Variants in SPAG1 observed in about 807,000 individuals in gnomAD.
SPAG1 encodes the protein sperm associated antigen 1.
In SPAG1, 69 loss-of-function variants were observed where a neutral mutation model predicts 100.5. The observed-to-expected ratio is 0.69, with a 90% confidence interval of 0.57 to 0.84. The LOEUF is 0.84. Among genes scored for constraint, SPAG1 ranks in the 40% least tolerant of loss-of-function variants. The pLI is 0.00. For synonymous variants in SPAG1, 336 were observed against 411.6 expected (o/e 0.82, Z 2.22); for missense variants, 955 against 1,133.1 (o/e 0.84, Z 2.26).
At chr8:100,196,634 G>C (rs969689933) in intron 10 of SPAG1, among the ~76,000 whole-genome samples, 2 of 151,812 alleles carry the variant, frequency 1.3e-5, no homozygotes, top group Non-Finnish European at 2.9e-5. Context: ...TTTGTCTGTA[G>C]CTTTTTTCAT....
At position 100,233,523 on chromosome 8, in the gene SPAG1, C is replaced by A; in HGVS notation, c.2101C>A (p.His701Asn). Residue 701 changes from histidine to asparagine, a missense_variant, in exon 16 of 19, where the codon CAT (histidine) becomes AAT (asparagine). Coordinates refer to ENST00000388798, the MANE Select transcript of SPAG1 (RefSeq NM_003114.5). Reference sequence around the variant, plus strand: ...AGCCTTCTATAGACGAGCTCTGGCTCATAAAGGACTCAAGGTGAGGAAATC... The same window carrying A: ...AGCCTTCTATAGACGAGCTCTGGCTAATAAAGGACTCAAGGTGAGGAAATC... The part of the protein sequence containing the change: ...VKAFYRRALA[H>N]KGLKNYQKSL... The A allele has an allele frequency of 6.2e-7, 1 of 1,604,816 alleles. No homozygotes were observed. Among genetic ancestry groups the A allele is most frequent in the South Asian group, 1.1e-5 (1 of 90,202 alleles).
chr8:100,185,588 A>G (rs1293224685), intron 7 of SPAG1, among the ~76,000 whole-genome samples: 1 of 152,244 alleles, frequency 6.6e-6, no homozygotes, highest in Non-Finnish European at 1.5e-5. Context: ...TTCATAGTAG[A>G]TGTTCAATAA....
chr8:100,193,042 G>A (rs1816880601), intron 9 of SPAG1, among the ~76,000 whole-genome samples: 1 of 152,124 alleles, frequency 6.6e-6, no homozygotes, highest in Admixed American at 6.6e-5. Context: ...AAATCTTTAT[G>A]ACCTTAGACA....
chr8:100,222,651 A>T (rs1818335870), intron 13 of SPAG1, among the ~76,000 whole-genome samples: 1 of 152,210 alleles, frequency 6.6e-6, no homozygotes, highest in Admixed American at 6.5e-5. Context: ...GGGCCTGATG[A>T]AAAGGTATTT....
At chr8:100,216,391 TCTGAGATC>T (rs1211609570) in intron 12 of SPAG1, among the ~76,000 whole-genome samples, 1 of 152,220 alleles carries the variant, frequency 6.6e-6, no homozygotes, top group Admixed American at 6.5e-5. Flanking sequence ...GTTGTCCTTA[TCTGAGATC>T]CTCTAAGGTG....
chr8:100,234,529 G>A (rs747667226), intron 16 of SPAG1, among the ~76,000 whole-genome samples: 21 of 152,124 alleles, frequency 1.4e-4, no homozygotes, highest in Non-Finnish European at 2.6e-4. Context: ...GGACTCTACT[G>A]TTTGGCTTCT....
chr8:100,217,935 A>C (rs1818083100), intron 12 of SPAG1, among the ~76,000 whole-genome samples: 1 of 151,876 alleles, frequency 6.6e-6, no homozygotes, highest in African/African-American at 2.4e-5. Context: ...GGTGTGCACC[A>C]CCTAACCCAG....
At chr8:100,167,949 A>G (rs568872630) in intron 3 of SPAG1, among the ~76,000 whole-genome samples, 48 of 152,208 alleles carry the variant, frequency 3.2e-4, no homozygotes, top group Non-Finnish European at 6.0e-4. Flanking sequence ...TCACTTATAT[A>G]ATGCTTTTGA....
Position 100,239,052 on chromosome 8 carries a change from G to A in SPAG1, c.2116-188G>A, listed in dbSNP as rs919235668. Among the ~76,000 whole-genome samples, 1 of 152,162 alleles carries A rather than the reference G, an allele frequency of 6.6e-6. No individual in the cohort carries two copies. The highest frequency in any genetic ancestry group is 2.4e-5 in the African/African-American group (1 of 41,432). On this transcript the variant is annotated intron_variant, in intron 16 of 18. Transcript: ENST00000388798. The surrounding 1 kb of genome is among the most constrained non-coding windows in gnomAD (Gnocchi z 5.0). ...CTGTGCTTTTTCTTCTATAGTCGAT[G>A]TTCACTGTATCATGGGTTATACTAT...
chr8:100,190,653 CTT>C (rs966810613), intron 8 of SPAG1, among the ~76,000 whole-genome samples: 1 of 126,226 alleles, frequency 7.9e-6, no homozygotes, highest in East Asian at 2.7e-4. Context: ...CAGTAATATA[CTT>C]TTTTTTTCTT....
At chr8:100,218,981 C>T (rs1818138833) in intron 12 of SPAG1, among the ~76,000 whole-genome samples, 1 of 152,176 alleles carries the variant, frequency 6.6e-6, no homozygotes, top group East Asian at 1.9e-4. Context: ...TAGTGGTGCT[C>T]AGGACAGGCA....
In SPAG1 at chr8:100,191,478, T is replaced by C. The variant is rs773670485; in HGVS notation, c.921T>C (p.Pro307=). The C allele has an allele frequency of 1.7e-5, 27 of 1,611,516 alleles. No homozygotes were observed. The highest frequency in any genetic ancestry group is 1.3e-4 in the Admixed American group (8 of 59,980). Residue 307 remains proline (P), a synonymous_variant, in exon 9 of 19, where the codon CCT becomes CCC. Coordinates refer to ENST00000388798, the MANE Select transcript of SPAG1 (RefSeq NM_003114.5). ...EDLSKVLDVE[P]DNDLAKKTLS... is the part of the protein sequence containing the mutation. ...TGAGTAAAGTACTAGATGTTGAGCC[T>C]GATAATGATTTGGCCAAGGTAAGTA... is the stretch of plus-strand genomic sequence containing the variant.
In SPAG1 at chr8:100,225,315, A is replaced by C; in HGVS notation, c.1831A>C (p.Ser611Arg). ...CTCAAAACAAGCAGGAGACTCCAGC[A>C]GCCATCGCCAGCAGGGCATCACAGG... ...MISKQAGDSS[S>R]HRQQGITDEK... The change falls in exon 14 of 19, where the codon AGC (serine) becomes CGC (arginine). Residue 611 changes from serine to arginine, a missense_variant. Physicochemically the swap from Ser to Arg is moderately radical, Grantham distance 110. Coordinates refer to ENST00000388798, the MANE Select transcript of SPAG1 (RefSeq NM_003114.5). 6.2e-7 allele frequency: 1 copy of C among 1,613,796 alleles called. No individual in the cohort carries two copies. The highest frequency in any genetic ancestry group is 1.1e-5 in the South Asian group (1 of 91,060).
At chr8:100,238,960 T>C (rs1325629756) in intron 16 of SPAG1, among the ~76,000 whole-genome samples, 1 of 152,220 alleles carries the variant, frequency 6.6e-6, no homozygotes, top group African/African-American at 2.4e-5. Flanking sequence ...CAAGTGCTTA[T>C]CATGTGTTAG....
intron 3 of SPAG1, among the ~76,000 whole-genome samples, chr8:100,170,834 TTTATTTATTTA>T (rs1563771559): frequency 1.4e-4 from 21 of 149,942 alleles, no homozygotes; most frequent in African/African-American, 2.7e-4. Flanking sequence ...TATTTATTTA[TTTATTTATTTA>T]TTTATTTTTT....
At chr8:100,165,414 G>C (rs772804174) in intron 2 of SPAG1, 7 of 448,264 alleles carry the variant, frequency 1.6e-5, no homozygotes, top group Admixed American at 7.9e-5. Context: ...TTCAGGAACA[G>C]AGTACTTTGT....
intron 14 of SPAG1, among the ~76,000 whole-genome samples, chr8:100,228,494 C>T (rs1055942314): frequency 1.3e-5 from 2 of 151,854 alleles, no homozygotes; most frequent in African/African-American, 4.8e-5. Context: ...GGGCAGATCG[C>T]CAGAGCTCAG....
At chr8:100,172,234 T>C (rs1397044727) in intron 3 of SPAG1, among the ~76,000 whole-genome samples, 1 of 152,216 alleles carries the variant, frequency 6.6e-6, no homozygotes, top group Non-Finnish European at 1.5e-5. Flanking sequence ...GAACTTTTCA[T>C]TGGCTTTTAT....
At chr8:100,162,766 T>C (rs1465133938) in intron 2 of SPAG1, among the ~76,000 whole-genome samples, 4 of 152,046 alleles carry the variant, frequency 2.6e-5, no homozygotes, top group Non-Finnish European at 4.4e-5. Context: ...TCATTTGAGC[T>C]CAGGAGTTCA....
Sources: allele counts gnomAD v4.1 joint callset (sites outside exome capture counted in the v4.1 genomes callset), GRCh38; gene constraint gnomAD v4.1.1; non-coding constraint Gnocchi (gnomAD v3.1); transcripts MANE v1.5; gene names NCBI Gene and HGNC (gene_info 2026-07-23, HGNC 2026-07-21).